Variants in LMBR1 observed in about 807,000 individuals in gnomAD.
LMBR1 encodes limb region 1 protein homolog.
LMBR1 carries 52 observed loss-of-function variants against 73.9 expected under a neutral mutation model. That is an observed-to-expected ratio of 0.70 (90% CI 0.56 to 0.89). LMBR1 has a LOEUF of 0.89. Among genes scored for constraint, LMBR1 ranks in the 40% least tolerant of loss-of-function variants. LMBR1 has a pLI of 0.00. For synonymous variants in LMBR1, 215 were observed against 209.4 expected (o/e 1.03, Z -0.23); for missense variants, 539 against 579.8 (o/e 0.93, Z 0.72).
At position 156,762,177 on chromosome 7, in the gene LMBR1, G is replaced by T; in HGVS notation, c.641C>A (p.Ser214Tyr). 6.2e-7 allele frequency: 1 copy of T among 1,610,850 alleles called. No homozygotes were observed. The highest frequency in any genetic ancestry group is 8.5e-7 in the Non-Finnish European group (1 of 1,177,470). Residue 214 changes from serine (S) to tyrosine (Y), a missense_variant, in exon 8 of 17, where the codon TCT becomes TAT. By Grantham distance (144) the Ser-to-Tyr change is moderately radical (BLOSUM62 -2). Around this residue, in one of 3 missense-constraint regions of LMBR1, gnomAD observed 454 missense variants for 473.4 expected, o/e 0.96. Transcript: ENST00000353442. ...LLLLCTPVGLSRMFTVMGQLL... is the reference protein window; with the variant it reads ...LLLLCTPVGLYRMFTVMGQLL... ...CTGACCCATCACTGTGAACATACGA[G>T]AAAGGCCAACTGGTGTACACACTGC...
intron 9 of LMBR1, among the ~76,000 whole-genome samples, chr7:156,736,034 A>G (rs1320956800): frequency 2.0e-5 from 3 of 152,236 alleles, no homozygotes; most frequent in Non-Finnish European, 2.9e-5. Context: ...CAGTTTCCTC[A>G]TATTGTAATA....
At chr7:156,887,292 G>A (rs961740819) in intron 1 of LMBR1, among the ~76,000 whole-genome samples, 23 of 151,930 alleles carry the variant, frequency 1.5e-4, no homozygotes, top group African/African-American at 4.8e-4. Flanking sequence ...GTGAAACCCC[G>A]TCTCTACTAA....
intron 1 of LMBR1, among the ~76,000 whole-genome samples, chr7:156,882,828 C>A (rs990069892): frequency 6.6e-6 from 1 of 151,964 alleles, no homozygotes; most frequent in Non-Finnish European, 1.5e-5. Flanking sequence ...GTCAGGAGTT[C>A]GAGACTAGCT....
At chr7:156,881,904 T>G (rs1801152772) in intron 1 of LMBR1, among the ~76,000 whole-genome samples, 1 of 151,950 alleles carries the variant, frequency 6.6e-6, no homozygotes, top group Admixed American at 6.6e-5. Context: ...GCAGCTGCTA[T>G]GGAAAATATG....
intron 15 of LMBR1, among the ~76,000 whole-genome samples, chr7:156,709,316 A>G (rs898791566): frequency 1.3e-5 from 2 of 152,222 alleles, no homozygotes; most frequent in African/African-American, 4.8e-5. Context: ...AACAAAAGCT[A>G]ATTCCACTGC....
chr7:156,800,439 T>C (rs1216121726), intron 4 of LMBR1, among the ~76,000 whole-genome samples: 1 of 138,998 alleles, frequency 7.2e-6, no homozygotes, highest in East Asian at 2.3e-4. Flanking sequence ...GTTTACAGCA[T>C]GGTTTACTAA....
At chr7:156,705,217 C>G (rs1027684148) in intron 15 of LMBR1, among the ~76,000 whole-genome samples, 2 of 152,110 alleles carry the variant, frequency 1.3e-5, no homozygotes, top group Admixed American at 1.3e-4. Flanking sequence ...CAGCAGAAAT[C>G]TTATAGGCCA....
rs145249954 is a variant in LMBR1 at position 156,775,363 on chromosome 7, G to A, written c.424-11568C>T. Among the ~76,000 whole-genome samples the A allele has an allele frequency of 2.4e-4, 37 of 152,204 alleles. No homozygotes were observed. In the East Asian group the frequency reaches 3.7e-3, roughly 15 times the overall value. ...AGCCTGGGCGACGAAGTGAGACTAT[G>A]TCTCAAAAATAAAAATAAAAAATGA... On this transcript the variant is annotated intron_variant, in intron 5 of 16. Transcript: ENST00000353442.
chr7:156,756,221 G>A (rs1028052063), intron 9 of LMBR1, among the ~76,000 whole-genome samples, 172 bp downstream of exon 9: 8 of 152,014 alleles, frequency 5.3e-5, no homozygotes, highest in Admixed American at 4.6e-4. Context: ...TCTCAGCCAG[G>A]GTCTGCAATA....
intron 9 of LMBR1, among the ~76,000 whole-genome samples, chr7:156,742,894 T>C (rs1819164860): frequency 6.6e-6 from 1 of 152,178 alleles, no homozygotes; most frequent in Admixed American, 6.5e-5. Flanking sequence ...ATTAAAAAGA[T>C]CATTCATGAT....
At chr7:156,774,479 C>G (rs914938520) in intron 5 of LMBR1, among the ~76,000 whole-genome samples, 1 of 152,136 alleles carries the variant, frequency 6.6e-6, no homozygotes, top group Non-Finnish European at 1.5e-5. Context: ...TCATCAAGGG[C>G]AGACTGAATG....
At chr7:156,739,462 A>G (rs570466110) in intron 9 of LMBR1, among the ~76,000 whole-genome samples, 2 of 152,302 alleles carry the variant, frequency 1.3e-5, no homozygotes, top group Non-Finnish European at 2.9e-5. Context: ...GGCAGTAGCC[A>G]AGCAGTGTTT....
chr7:156,725,312 G>A (rs1815502015), intron 14 of LMBR1, 123 bp downstream of exon 14: 2 of 613,108 alleles, frequency 3.3e-6, no homozygotes, highest in Non-Finnish European at 5.8e-6. Context: ...TCCAGTTTGT[G>A]TTTACGCAAC....
chr7:156,762,871 GTC>G (rs1245570931), intron 7 of LMBR1, among the ~76,000 whole-genome samples: 1 of 149,950 alleles, frequency 6.7e-6, no homozygotes, highest in Non-Finnish European at 1.5e-5. Context: ...GTGTGTGTGT[GTC>G]TGTCCGTCTG....
chr7:156,884,924 A>C (rs1397148430), intron 1 of LMBR1, among the ~76,000 whole-genome samples: 2 of 152,260 alleles, frequency 1.3e-5, no homozygotes, highest in Middle Eastern at 3.2e-3. Flanking sequence ...GCAAGACACC[A>C]GTAGAAAACA....
chr7:156,796,480 A>G lies in LMBR1; in HGVS notation c.332T>C (p.Leu111Pro), dbSNP rs1563381208. The change falls in exon 5 of 17, where the codon CTT becomes CCT. Residue 111 changes from leucine (L) to proline (P), a missense_variant. Physicochemically the swap from Leu to Pro is moderately conservative, Grantham distance 98. Transcript: ENST00000353442. ...ACAAAGGTTGGAAAAAAGGGAAGCA[A>G]GATTCCACAAACCTATAAAAAGGGT... ...NGSLIHGLWN[L>P]ASLFSNLCLF... is the part of the protein sequence containing the mutation. 6.2e-7 allele frequency: 1 copy of G among 1,604,654 alleles called. No individual in the cohort carries two copies. Among genetic ancestry groups the G allele is most frequent in the Non-Finnish European group, 8.5e-7 (1 of 1,175,608 alleles).
At chr7:156,793,891 G>A (rs1251121481) in intron 5 of LMBR1, among the ~76,000 whole-genome samples, 1 of 152,050 alleles carries the variant, frequency 6.6e-6, no homozygotes, top group Non-Finnish European at 1.5e-5. Context: ...GCAACCCCGC[G>A]GTTTAGATGA....
intron 8 of LMBR1, among the ~76,000 whole-genome samples, chr7:156,759,864 T>C (rs886138177): frequency 5.3e-5 from 8 of 152,202 alleles, no homozygotes; most frequent in African/African-American, 1.9e-4. Context: ...TAGTGTGTCG[T>C]TCCCCTATTG....
chr7:156,782,070 A>C (rs1030850531), intron 5 of LMBR1, among the ~76,000 whole-genome samples: 8 of 152,242 alleles, frequency 5.3e-5, no homozygotes, highest in Non-Finnish European at 8.8e-5. Context: ...TCATTTAAGG[A>C]GAATCATATA....
Sources: gnomAD v4.1 joint callset for allele counts (sites outside exome capture counted in the v4.1 genomes callset) on GRCh38, gnomAD v4.1.1 for gene constraint, gnomAD v4.1.1 regional missense constraint, MANE v1.5 for transcripts, NCBI Gene and HGNC (gene_info 2026-07-23, HGNC 2026-07-21) for gene names.